USP45: variants seen among roughly 807,000 people sequenced by gnomAD.
USP45 encodes ubiquitin specific peptidase 45.
Under a neutral mutation model 95.8 loss-of-function variants are expected in USP45, and 89 were observed. The ratio of observed to expected loss-of-function variants is 0.93; its 90% CI spans 0.78 to 1.11. The LOEUF (loss-of-function observed/expected upper bound fraction) is 1.11. USP45 is among the 50% of genes least tolerant of loss of function. The pLI is 0.00. For missense variants in USP45, 898 were observed against 942.5 expected (o/e 0.95, Z 0.62); for synonymous variants, 281 against 316.2 (o/e 0.89, Z 1.18).
At chr6:99,499,315 T>A (rs920641234) in intron 5 of USP45, among the ~76,000 whole-genome samples, 5 of 152,192 alleles carry the variant, frequency 3.3e-5, no homozygotes, top group African/African-American at 1.2e-4. Context: ...ATTCCTTTTA[T>A]CATAAATAGG....
intron 15 of USP45, among the ~76,000 whole-genome samples, chr6:99,440,960 TA>T (rs1348299792): frequency 6.6e-6 from 1 of 152,222 alleles, no homozygotes; most frequent in East Asian, 1.9e-4. Context: ...TGAAGGACTT[TA>T]ATATAAGATG....
chr6:99,466,015 G>A (rs893623006), intron 11 of USP45, among the ~76,000 whole-genome samples: 9 of 151,852 alleles, frequency 5.9e-5, no homozygotes, highest in Middle Eastern at 3.4e-3. Context: ...TATTTCTATT[G>A]GAATTAGTTT....
chr6:99,496,747 A>T (rs1285954224), intron 5 of USP45, among the ~76,000 whole-genome samples: 1 of 152,088 alleles, frequency 6.6e-6, no homozygotes, highest in Admixed American at 6.6e-5. Flanking sequence ...TCAGAGGACA[A>T]TGGCCCACTT....
chr6:99,466,808 C>A (rs1788096938), intron 10 of USP45, 45 bp from the exon 11 acceptor site: 4 of 1,453,162 alleles, frequency 2.8e-6, no homozygotes, highest in South Asian at 2.3e-5. Context: ...GTCAACCATC[C>A]ATCTAGCAGT....
intron 5 of USP45, among the ~76,000 whole-genome samples, chr6:99,497,456 T>G (rs1297710775): frequency 6.6e-6 from 1 of 152,038 alleles, no homozygotes; most frequent in Non-Finnish European, 1.5e-5. Context: ...AAAGAGTGAG[T>G]AAAAAGAGAC....
chr6:99,451,131 G>A (rs1783757236), intron 13 of USP45, among the ~76,000 whole-genome samples: 1 of 152,150 alleles, frequency 6.6e-6, no homozygotes, highest in Non-Finnish European at 1.5e-5. Context: ...GCACAAGACA[G>A]GGATGCCCTC....
chr6:99,461,878 TG>T, intron 13 of USP45: 1 of 984,592 alleles, frequency 1.0e-6, no homozygotes, highest in South Asian at 4.7e-5. Context: ...AAGACTTTAT[TG>T]ATCTTTATAA....
chr6:99,501,906 A>G, intron 5 of USP45: 1 of 1,278,782 alleles, frequency 7.8e-7, no homozygotes, highest in Non-Finnish European at 1.0e-6. Flanking sequence ...GTTATTCATG[A>G]TGGGTCCCTC....
chr6:99,512,352 A>C (rs559641602), intron 1 of USP45, among the ~76,000 whole-genome samples: 16 of 152,034 alleles, frequency 1.1e-4, no homozygotes, highest in Non-Finnish European at 2.4e-4. Context: ...CCCATAGAAT[A>C]CTCTTTCGAC....
At chr6:99,498,790 A>T (rs1255693744) in intron 5 of USP45, among the ~76,000 whole-genome samples, 4 of 152,202 alleles carry the variant, frequency 2.6e-5, no homozygotes, top group Admixed American at 1.3e-4. Flanking sequence ...CAAAGGATTA[A>T]ATGCAGAAGC....
intron 13 of USP45, among the ~76,000 whole-genome samples, chr6:99,453,953 G>A (rs1398656321): frequency 6.6e-6 from 1 of 152,074 alleles, no homozygotes; most frequent in Non-Finnish European, 1.5e-5. Context: ...GGCAACAAGA[G>A]TGAAACTCCA....
intron 13 of USP45, chr6:99,462,473 C>G: frequency 1.0e-6 from 1 of 983,376 alleles, no homozygotes. Flanking sequence ...TTTTAATAAC[C>G]AGTGCTTTTT....
At chr6:99,448,046 AC>A (rs1431831722) in intron 13 of USP45, among the ~76,000 whole-genome samples, 1 of 152,208 alleles carries the variant, frequency 6.6e-6, no homozygotes, top group African/African-American at 2.4e-5. Flanking sequence ...TCTGTCAGTC[AC>A]CATCATCAAA....
intron 1 of USP45, among the ~76,000 whole-genome samples, chr6:99,511,299 G>C (rs1164420330): frequency 6.6e-6 from 1 of 151,294 alleles, no homozygotes; most frequent in African/African-American, 2.4e-5. Context: ...TTACAGGCGT[G>C]TGCCACCAGG....
chr6:99,483,278 C>T (rs936114015), intron 7 of USP45, among the ~76,000 whole-genome samples: 3 of 152,052 alleles, frequency 2.0e-5, no homozygotes, highest in African/African-American at 2.4e-5. Flanking sequence ...GGATTATACA[C>T]CTTTCTTTTC....
intron 15 of USP45, 130 bp from the exon 16 acceptor site, chr6:99,439,985 C>G (rs1781227347): frequency 9.9e-6 from 5 of 504,874 alleles, no homozygotes; most frequent in Non-Finnish European, 1.7e-5. Flanking sequence ...AATGTATAGT[C>G]TAAAATTAAT....
rs1780348498 is a variant in USP45, at chr6:99,435,784, G to A, written c.2377C>T (p.Gln793Ter). ...QWVHVSDTYL[Q>*]VVPESRALSA... Reference sequence around the variant, plus strand: ...AGTGCTCTTGATTCTGGAACCACCTGTAAGTAAGTGTCACTAACATGGACC... The same window carrying A: ...AGTGCTCTTGATTCTGGAACCACCTATAAGTAAGTGTCACTAACATGGACC... Residue 793 changes from glutamine to a stop codon, truncating the protein, a stop_gained, in exon 18 of 18, where the codon CAG becomes TAG. Transcript: ENST00000500704. LOFTEE classifies it high-confidence loss of function. 1.9e-6 allele frequency: 3 copies of A among 1,613,262 alleles called. No individual in the cohort carries two copies. The highest frequency in any genetic ancestry group is 2.5e-6 in the Non-Finnish European group (3 of 1,179,356).
At chr6:99,487,764 C>T (rs903511404) in intron 7 of USP45, among the ~76,000 whole-genome samples, 1 of 151,918 alleles carries the variant, frequency 6.6e-6, no homozygotes, top group African/African-American at 2.4e-5. Context: ...CACTGCACTC[C>T]AGCCTGCACT....
chr6:99,494,212 T>C (rs2128750372), intron 5 of USP45, among the ~76,000 whole-genome samples: 2 of 152,332 alleles, frequency 1.3e-5, no homozygotes, highest in East Asian at 3.9e-4. Context: ...ATAAAAGCAA[T>C]TTAATTTACT....
Sources: allele counts gnomAD v4.1 joint callset (sites outside exome capture counted in the v4.1 genomes callset), GRCh38; gene constraint gnomAD v4.1.1; transcripts MANE v1.5; gene names NCBI Gene and HGNC (gene_info 2026-07-23, HGNC 2026-07-21).